PCSK5: variants seen among roughly 807,000 people sequenced by gnomAD.
PCSK5 encodes prohormone convertase 5.
Under a neutral mutation model 233.2 loss-of-function variants are expected in PCSK5, and 129 were observed. The observed-to-expected ratio is 0.55, with a 90% CI of 0.48 to 0.64. PCSK5 has a LOEUF of 0.64. Among genes scored for constraint, PCSK5 ranks in the 30% least tolerant of loss-of-function variants. The pLI is 0.00. For synonymous variants in PCSK5, 825 were observed against 879.2 expected (o/e 0.94, Z 1.09); for missense variants, 2,076 against 2,430.1 (o/e 0.85, Z 3.06).
intron 20 of PCSK5, chr9:76,193,316 A>G: frequency 6.2e-7 from 1 of 1,612,824 alleles, no homozygotes; most frequent in East Asian, 2.2e-5. Context: ...AGGTTCTTCA[A>G]CAACTTTGCT....
chr9:76,051,819 G>A (rs914722214), intron 5 of PCSK5, among the ~76,000 whole-genome samples: 2 of 152,168 alleles, frequency 1.3e-5, no homozygotes, highest in African/African-American at 4.8e-5. Flanking sequence ...AATCAGACAG[G>A]CTGCTCCCAA....
intron 34 of PCSK5, among the ~76,000 whole-genome samples, chr9:76,336,089 C>T (rs761105453): frequency 1.5e-4 from 23 of 152,182 alleles, no homozygotes; most frequent in Non-Finnish European, 2.2e-4. Context: ...AGCTCATCAT[C>T]GCCTTGTCTC....
At chr9:75,951,742 A>T (rs112724926) in intron 2 of PCSK5, among the ~76,000 whole-genome samples, 8,416 of 152,108 alleles carry the variant, frequency 0.055, 786 homozygotes, top group African/African-American at 0.19. Flanking sequence ...ACAATAAAAT[A>T]ATAATAAAAT....
chr9:76,134,478 C>T (rs1203444566), intron 10 of PCSK5, among the ~76,000 whole-genome samples: 2 of 151,732 alleles, frequency 1.3e-5, no homozygotes, highest in African/African-American at 4.8e-5. Context: ...GCCTATGGGA[C>T]CCCTGATTAG....
intron 24 of PCSK5, among the ~76,000 whole-genome samples, chr9:76,242,299 A>G (rs2131332146): frequency 6.6e-6 from 1 of 152,240 alleles, no homozygotes; most frequent in Non-Finnish European, 1.5e-5. Flanking sequence ...TATAATTTAT[A>G]TTGTGGCTAT....
Position 76,096,095 on chromosome 9 carries a change from AG to A in PCSK5, c.1101del (p.Ile369SerfsTer6). 6.2e-7 allele frequency: 1 copy of A among 1,610,128 alleles called. No individual in the cohort carries two copies. The highest frequency in any genetic ancestry group is 2.2e-5 in the East Asian group (1 of 44,858). On this transcript the variant is annotated frameshift_variant, in exon 8 of 38. Transcript: ENST00000674117. LOFTEE classifies it high-confidence loss of function. ...TACAGCAGCGGGGAGTCCTACGATA[AG>A]AAAATCGTACGTGACATGTGCATGC... ...TTYSSGESYDKKIITTDLRQR... is the reference protein window; with the variant it reads ...TTYSSGESYDXKIITTDLRQR...
At chr9:75,974,748 G>A (rs565591319) in intron 2 of PCSK5, among the ~76,000 whole-genome samples, 86 of 152,196 alleles carry the variant, frequency 5.7e-4, no homozygotes, top group East Asian at 3.9e-4. Flanking sequence ...CCCACATTGC[G>A]GGTCTTCATT....
chr9:76,325,249 A>G (rs1276122041), intron 32 of PCSK5, among the ~76,000 whole-genome samples: 1 of 152,216 alleles, frequency 6.6e-6, no homozygotes, highest in Admixed American at 6.5e-5. Flanking sequence ...CTGCGAGGGC[A>G]GGAACTGAGG....
intron 2 of PCSK5, among the ~76,000 whole-genome samples, chr9:75,956,639 T>C (rs1280278970): frequency 6.6e-6 from 1 of 152,166 alleles, no homozygotes. Context: ...AGATATAAGA[T>C]TTAAGATATA....
intron 20 of PCSK5, among the ~76,000 whole-genome samples, chr9:76,191,759 A>AT (rs998022415): frequency 1.6e-4 from 25 of 152,148 alleles, no homozygotes; most frequent in Non-Finnish European, 1.9e-4. Context: ...CGTAAGTATC[A>AT]TTTTTTAGTT....
chr9:76,055,713 A>G (rs972488896), intron 5 of PCSK5, among the ~76,000 whole-genome samples: 1 of 152,150 alleles, frequency 6.6e-6, no homozygotes, highest in African/African-American at 2.4e-5. Flanking sequence ...TCAAAGCCTT[A>G]AGAATGTAGG....
rs1822738033 is a variant in PCSK5, at chr9:76,159,167, A to G, written c.1615A>G (p.Asn539Asp). The G allele has an allele frequency of 6.2e-7, 1 of 1,613,876 alleles. No individual in the cohort carries two copies. Among genetic ancestry groups the G allele is most frequent in the African/African-American group, 1.3e-5 (1 of 74,930 alleles). ...PSGTRSQLLANRLFDHSMEGF... is the reference protein window; with the variant it reads ...PSGTRSQLLADRLFDHSMEGF... ...TGGAACTAGGTCTCAGCTTTTGGCCAACAGGTACAGCAGTGGTCTCTGCCC... is the reference window on the plus strand; with the variant it reads ...TGGAACTAGGTCTCAGCTTTTGGCCGACAGGTACAGCAGTGGTCTCTGCCC... The change falls in exon 12 of 38, where the codon AAC becomes GAC. Residue 539 changes from asparagine (N) to aspartate (D), a missense_variant. Physicochemically the swap from Asn to Asp is conservative, Grantham distance 23. Around this residue, in one of 6 missense-constraint regions of PCSK5, gnomAD observed 50 missense variants for 104.7 expected, o/e 0.48. Transcript: ENST00000674117.
rs201308471 is a variant in PCSK5 at position 76,035,981 on chromosome 9, A to AT, written c.632+8953dup. ...AGGAGGAAAGAAAAGCCCTTATTTT[A>AT]TTTTTTTTTCACTCCCTATACAGCT... On this transcript the variant is annotated intron_variant, in intron 5 of 37. Coordinates refer to ENST00000674117, the MANE Select transcript of PCSK5 (RefSeq NM_001372043.1). Among the ~76,000 whole-genome samples the AT allele has an allele frequency of 1.3e-3, 191 of 150,748 alleles. 1 individual carries two copies. Among genetic ancestry groups the AT allele is most frequent in the African/African-American group, 3.4e-3 (141 of 41,136 alleles).
At chr9:75,996,128 A>T (rs576408482) in intron 3 of PCSK5, among the ~76,000 whole-genome samples, 65 of 152,350 alleles carry the variant, frequency 4.3e-4, no homozygotes, top group Non-Finnish European at 7.8e-4. Context: ...AAAAATTTTC[A>T]TAATTAATAA....
At chr9:75,948,350 C>T in intron 2 of PCSK5, among the ~76,000 whole-genome samples, 1 of 133,314 alleles carries the variant, frequency 7.5e-6, no homozygotes, top group East Asian at 2.5e-4. Context: ...GTGATGTTCC[C>T]CGCTCTGTGT....
intron 12 of PCSK5, among the ~76,000 whole-genome samples, chr9:76,161,401 T>C (rs889879257): frequency 1.3e-5 from 2 of 151,784 alleles, no homozygotes; most frequent in Non-Finnish European, 2.9e-5. Context: ...TGAAAGTCTC[T>C]CCAGCTGTGG....
chr9:76,068,654 A>C (rs1830373259), intron 6 of PCSK5, among the ~76,000 whole-genome samples: 1 of 152,106 alleles, frequency 6.6e-6, no homozygotes, highest in Admixed American at 6.5e-5. Context: ...CAGCCAAAGC[A>C]GTATAAATTT....
At chr9:76,067,332 CAT>C (rs1156842566) in intron 5 of PCSK5, among the ~76,000 whole-genome samples, 1 of 152,084 alleles carries the variant, frequency 6.6e-6, no homozygotes, top group Non-Finnish European at 1.5e-5. Flanking sequence ...GTGTGGATAA[CAT>C]ATTTTATTCA....
At chr9:76,031,905 G>T (rs1563983501) in intron 5 of PCSK5, among the ~76,000 whole-genome samples, 1 of 151,964 alleles carries the variant, frequency 6.6e-6, no homozygotes. Flanking sequence ...TAAGACTTGG[G>T]GTTTATTTCC....
Sources: allele counts gnomAD v4.1 joint callset (sites outside exome capture counted in the v4.1 genomes callset), GRCh38; gene constraint gnomAD v4.1.1; regional missense constraint gnomAD v4.1.1; transcripts MANE v1.5; gene names NCBI Gene and HGNC (gene_info 2026-07-23, HGNC 2026-07-21).